RBFOX1: variants seen among roughly 807,000 people sequenced by gnomAD.
RBFOX1 encodes RNA binding fox-1 homolog 1.
In RBFOX1, 8 loss-of-function variants were observed where a neutral mutation model predicts 57.7. The observed-to-expected ratio is 0.14, with a 90% CI of 0.08 to 0.25. RBFOX1 has a LOEUF of 0.25. Ranked by LOEUF, RBFOX1 falls within the 10% of genes least tolerant of loss-of-function variation. The pLI is 1.00. For missense variants in RBFOX1, 611 were observed against 548.5 expected, an observed-to-expected ratio of 1.11 and a Z score of -1.14; for synonymous variants, 326 against 222.4, an observed-to-expected ratio of 1.47 and a Z score of -4.15.
intron 11 of RBFOX1, among the ~76,000 whole-genome samples, chr16:7,642,584 G>T (rs1290902317): frequency 6.6e-6 from 1 of 152,112 alleles, no homozygotes; most frequent in African/African-American, 2.4e-5. Flanking sequence ...GCAATTCACC[G>T]AGCTTGCTGT....
At chr16:5,360,664 A>C (rs926990439) in intron 1 of RBFOX1, among the ~76,000 whole-genome samples, 9 of 152,222 alleles carry the variant, frequency 5.9e-5, no homozygotes, top group Non-Finnish European at 8.8e-5. Flanking sequence ...GACTAATGTG[A>C]GGAAGAAGAG....
intron 1 of RBFOX1, among the ~76,000 whole-genome samples, chr16:5,449,259 C>G (rs2068347891): frequency 6.6e-6 from 1 of 152,176 alleles, no homozygotes; most frequent in African/African-American, 2.4e-5. Context: ...TCCTGAAATG[C>G]TTCCCCTGCC....
chr16:6,937,607 G>A lies in RBFOX1; in HGVS notation c.-15-114450G>A, dbSNP rs568313054. On this transcript the variant is annotated intron_variant, in intron 3 of 15. Coordinates refer to ENST00000550418, the MANE Select transcript of RBFOX1 (RefSeq NM_018723.4). ...TGTGAGGCATTAATCAAATACATGT[G>A]AGATTTACATTGGTTCGGTCTGGAA... Among the ~76,000 whole-genome samples the A allele has an allele frequency of 5.9e-5, 9 of 152,182 alleles. No individual in the cohort carries two copies. The South Asian group carries it at 1.9e-3, about 32-fold the overall frequency.
chr16:6,869,317 G>A (rs2060469401), intron 3 of RBFOX1, among the ~76,000 whole-genome samples: 1 of 152,160 alleles, frequency 6.6e-6, no homozygotes, highest in East Asian at 1.9e-4. Flanking sequence ...GCCACTGCCA[G>A]ATGAAGAAAT....
intron 3 of RBFOX1, among the ~76,000 whole-genome samples, chr16:6,770,055 A>G (rs1187741274): frequency 6.6e-6 from 1 of 152,164 alleles, no homozygotes; most frequent in Non-Finnish European, 1.5e-5. Context: ...TGAGGAAAGA[A>G]ATTAGAAATC....
chr16:6,974,771 C>A (rs541072583), intron 3 of RBFOX1, among the ~76,000 whole-genome samples: 1 of 152,090 alleles, frequency 6.6e-6, no homozygotes, highest in South Asian at 2.1e-4. Flanking sequence ...CACCAGAAAA[C>A]CCCCTGTGTT....
intron 3 of RBFOX1, among the ~76,000 whole-genome samples, chr16:6,773,017 T>TGTGTGTGA (rs1164831578): frequency 1.8e-4 from 23 of 131,278 alleles, no homozygotes; most frequent in African/African-American, 6.6e-4. Context: ...TGTGTGTGTG[T>TGTGTGTGA]GATTGTATTT....
chr16:6,984,289 G>C (rs914550820), intron 3 of RBFOX1, among the ~76,000 whole-genome samples: 2 of 152,098 alleles, frequency 1.3e-5, no homozygotes, highest in African/African-American at 4.8e-5. Context: ...TGTACTACCT[G>C]TGTGACCTAG....
At chr16:7,634,946 C>T (rs1383696209) in intron 11 of RBFOX1, among the ~76,000 whole-genome samples, 1 of 152,170 alleles carries the variant, frequency 6.6e-6, no homozygotes, top group East Asian at 1.9e-4. Flanking sequence ...AATAGGCTTT[C>T]AATAGAAACA....
intron 3 of RBFOX1, among the ~76,000 whole-genome samples, chr16:5,836,473 C>G (rs1478465043): frequency 6.6e-6 from 1 of 152,206 alleles, no homozygotes; most frequent in East Asian, 1.9e-4. Flanking sequence ...TCTCAGTGAA[C>G]AGAACCATGA....
intron 2 of RBFOX1, among the ~76,000 whole-genome samples, chr16:5,497,811 T>A (rs1770236275): frequency 6.6e-6 from 1 of 152,056 alleles, no homozygotes; most frequent in Non-Finnish European, 1.5e-5. Flanking sequence ...AGTTTACAGA[T>A]TCTGATAATT....
At chr16:5,831,930 G>A (rs148054714) in intron 3 of RBFOX1, among the ~76,000 whole-genome samples, 381 of 152,216 alleles carry the variant, frequency 2.5e-3, no homozygotes, top group African/African-American at 7.6e-3. Context: ...AATAGAGTTC[G>A]GCACATGGTA....
intron 3 of RBFOX1, among the ~76,000 whole-genome samples, chr16:6,750,017 G>A (rs757370882): frequency 6.6e-6 from 1 of 152,110 alleles, no homozygotes; most frequent in Non-Finnish European, 1.5e-5. Context: ...GCAGTCTTGG[G>A]TTGGAAAGTC....
At chr16:5,665,004 G>T (rs775032283) in intron 3 of RBFOX1, among the ~76,000 whole-genome samples, 6 of 151,562 alleles carry the variant, frequency 4.0e-5, no homozygotes, top group Non-Finnish European at 8.8e-5. Context: ...GAGTACAGTG[G>T]CACAGTCCTA....
chr16:6,050,547 C>G (rs1555488114), intron 1 of RBFOX1, among the ~76,000 whole-genome samples: 1 of 152,110 alleles, frequency 6.6e-6, no homozygotes, highest in African/African-American at 2.4e-5. Flanking sequence ...TTTTGTGGTG[C>G]TATTTAATCT....
intron 4 of RBFOX1, among the ~76,000 whole-genome samples, chr16:7,307,735 C>T (rs2096224011): frequency 6.6e-6 from 1 of 152,192 alleles, no homozygotes; most frequent in African/African-American, 2.4e-5. Flanking sequence ...AATTTGTATA[C>T]ATACACACAG....
intron 3 of RBFOX1, among the ~76,000 whole-genome samples, chr16:6,914,843 G>A (rs564131704): frequency 4.6e-5 from 7 of 152,304 alleles, no homozygotes; most frequent in African/African-American, 1.4e-4. Context: ...AGCCAAGATC[G>A]CAACATTGTG....
intron 3 of RBFOX1, among the ~76,000 whole-genome samples, chr16:6,937,392 T>G (rs892725265): frequency 6.6e-6 from 1 of 152,012 alleles, no homozygotes; most frequent in African/African-American, 2.4e-5. Flanking sequence ...AAAGTCTTAT[T>G]AATGTAGACT....
intron 4 of RBFOX1, among the ~76,000 whole-genome samples, chr16:7,206,986 G>C (rs1475861163): frequency 2.0e-5 from 3 of 152,152 alleles, no homozygotes; most frequent in Non-Finnish European, 4.4e-5. Flanking sequence ...GCCTTTTGCA[G>C]CCAATTTAGC....
Sources: gnomAD v4.1 joint callset for allele counts (sites outside exome capture counted in the v4.1 genomes callset) on GRCh38, gnomAD v4.1.1 for gene constraint, MANE v1.5 for transcripts, NCBI Gene and HGNC (gene_info 2026-07-23, HGNC 2026-07-21) for gene names.